The following FRMD5 variants were observed in gnomAD, a reference collection of about 807,000 sequenced individuals.
FRMD5 encodes FERM domain containing 5.
A neutral mutation model predicts 69.0 loss-of-function variants in FRMD5; 20 were observed. That is an observed-to-expected ratio of 0.29 (90% CI 0.20 to 0.42). The LOEUF (loss-of-function observed/expected upper bound fraction) is 0.42. Among genes scored for constraint, FRMD5 ranks in the 10% least tolerant of loss-of-function variants. The pLI is 1.00. For synonymous variants in FRMD5, 271 were observed against 260.1 expected, an observed-to-expected ratio of 1.04 and a Z score of -0.40; for missense variants, 595 against 708.6, an observed-to-expected ratio of 0.84 and a Z score of 1.82.
At chr15:44,070,977 C>T (rs1425748407) in intron 1 of FRMD5, among the ~76,000 whole-genome samples, 5 of 152,170 alleles carry the variant, frequency 3.3e-5, no homozygotes, top group African/African-American at 1.2e-4. Context: ...TGTTTGGCAC[C>T]TGCTATCCCA....
chr15:44,089,351 A>C (rs1354211394), intron 1 of FRMD5, among the ~76,000 whole-genome samples: 1 of 151,852 alleles, frequency 6.6e-6, no homozygotes, highest in Non-Finnish European at 1.5e-5. Context: ...GGAACTGACC[A>C]CTCCTTGTCA....
chr15:44,182,385 A>G (rs1487401059), intron 1 of FRMD5, among the ~76,000 whole-genome samples: 1 of 136,022 alleles, frequency 7.4e-6, no homozygotes, highest in Non-Finnish European at 1.5e-5. Flanking sequence ...GCTGGAGTGC[A>G]GTGGTGCGGT....
At chr15:44,075,135 A>G (rs1893705251) in intron 1 of FRMD5, among the ~76,000 whole-genome samples, 1 of 152,188 alleles carries the variant, frequency 6.6e-6, no homozygotes. Flanking sequence ...TCCACATAAT[A>G]AATTTCTTTT....
chr15:44,147,871 A>C (rs1358455382), intron 1 of FRMD5, among the ~76,000 whole-genome samples: 1 of 151,996 alleles, frequency 6.6e-6, no homozygotes, highest in African/African-American at 2.4e-5. Flanking sequence ...CTGTGCACCT[A>C]CTCCTGGAGC....
At chr15:44,159,782 G>C (rs1001369608) in intron 1 of FRMD5, among the ~76,000 whole-genome samples, 7 of 152,194 alleles carry the variant, frequency 4.6e-5, no homozygotes, top group African/African-American at 1.7e-4. Flanking sequence ...TGTGGACTTT[G>C]TGCTGCTTCA....
At chr15:44,043,406 C>T (rs1184449569) in intron 1 of FRMD5, among the ~76,000 whole-genome samples, 1 of 152,144 alleles carries the variant, frequency 6.6e-6, no homozygotes, top group African/African-American at 2.4e-5. Flanking sequence ...ACTTGCTTCA[C>T]AGAATTGGAA....
chr15:44,182,608 A>T (rs1018796184), intron 1 of FRMD5, among the ~76,000 whole-genome samples: 2 of 151,268 alleles, frequency 1.3e-5, no homozygotes, highest in Non-Finnish European at 3.0e-5. Context: ...TTACAGGTGT[A>T]AGCCACCGCA....
intron 1 of FRMD5, among the ~76,000 whole-genome samples, chr15:44,070,141 A>G (rs113314987): frequency 2.6e-5 from 4 of 152,106 alleles, no homozygotes; most frequent in African/African-American, 7.2e-5. Flanking sequence ...ATGTGATGGC[A>G]TAAGTGCCTC....
intron 1 of FRMD5, among the ~76,000 whole-genome samples, chr15:44,135,979 T>C (rs2140432453): frequency 6.6e-6 from 1 of 152,284 alleles, no homozygotes; most frequent in African/African-American, 2.4e-5. Flanking sequence ...TGGGTCGCAG[T>C]AAGTAATGCC....
chr15:43,949,025 T>C (rs1294827323), intron 1 of FRMD5, among the ~76,000 whole-genome samples: 1 of 152,252 alleles, frequency 6.6e-6, no homozygotes, highest in Non-Finnish European at 1.5e-5. Context: ...GACCTCTTCA[T>C]GGGACACTTC....
At chr15:44,063,639 G>A in intron 1 of FRMD5, 2 of 482,278 alleles carry the variant, frequency 4.1e-6, no homozygotes, top group Admixed American at 4.5e-5. Flanking sequence ...TCAACTACAT[G>A]GTCTACATGT....
intron 1 of FRMD5, among the ~76,000 whole-genome samples, chr15:43,982,426 C>A (rs990763217): frequency 9.2e-5 from 14 of 152,192 alleles, no homozygotes; most frequent in Non-Finnish European, 2.1e-4. Context: ...CAAAGCCTGG[C>A]AGCTGGTGTT....
rs149856144 is a variant in FRMD5, at chr15:44,052,038, C to T, written c.103-127729G>A. 2.9e-3 allele frequency among the ~76,000 whole-genome samples: 445 copies of T among 152,036 alleles called. 2 individuals are homozygous for T. The highest frequency in any genetic ancestry group is 0.01 in the African/African-American group (423 of 41,466). On this transcript the variant is annotated intron_variant, in intron 1 of 13. Transcript: ENST00000417257. The stretch of plus-strand genomic sequence containing the variant: ...TTGGAAGTAAGTCACTATGTACAGC[C>T]CATACTAAAGGAGTGAGGAGTTGTG...
intron 1 of FRMD5, among the ~76,000 whole-genome samples, chr15:44,169,031 C>A (rs1384225928): frequency 6.6e-6 from 1 of 152,182 alleles, no homozygotes; most frequent in African/African-American, 2.4e-5. Flanking sequence ...TGTTCACGTG[C>A]AATCATTGGT....
At chr15:43,946,740 T>C (rs1338299691) in intron 1 of FRMD5, among the ~76,000 whole-genome samples, 1 of 151,794 alleles carries the variant, frequency 6.6e-6, no homozygotes, top group Non-Finnish European at 1.5e-5. Flanking sequence ...TGGAAGGGGG[T>C]CTCCACTTTC....
intron 1 of FRMD5, among the ~76,000 whole-genome samples, chr15:44,055,069 C>CAAAA (rs1024472194): frequency 7.1e-4 from 40 of 56,242 alleles, no homozygotes; most frequent in Middle Eastern, 9.1e-3. Context: ...GACTCTGTCT[C>CAAAA]AAAAAAAAAA....
At chr15:44,033,220 A>T (rs1891762073) in intron 1 of FRMD5, among the ~76,000 whole-genome samples, 1 of 152,154 alleles carries the variant, frequency 6.6e-6, no homozygotes, top group African/African-American at 2.4e-5. Flanking sequence ...GAAGGAAATA[A>T]CAGACACTGG....
intron 1 of FRMD5, among the ~76,000 whole-genome samples, chr15:44,043,527 C>G (rs539184783): frequency 6.6e-6 from 1 of 152,260 alleles, no homozygotes; most frequent in South Asian, 2.1e-4. Context: ...TCAAACTATA[C>G]TACAAGGCTA....
chr15:44,115,603 C>G (rs548013526), intron 1 of FRMD5, among the ~76,000 whole-genome samples: 2 of 152,212 alleles, frequency 1.3e-5, no homozygotes, highest in South Asian at 4.2e-4. Flanking sequence ...AGACTTTATG[C>G]ACATAACTGA....
Sources: gnomAD v4.1 joint callset for allele counts (sites outside exome capture counted in the v4.1 genomes callset) on GRCh38, gnomAD v4.1.1 for gene constraint, MANE v1.5 for transcripts, NCBI Gene and HGNC (gene_info 2026-07-23, HGNC 2026-07-21) for gene names.